Variants in HDAC9 observed in about 807,000 individuals in gnomAD.
HDAC9 encodes histone deacetylase 9.
A neutral mutation model predicts 139.4 loss-of-function variants in HDAC9; 41 were observed. The ratio of observed to expected loss-of-function variants is 0.29; its 90% CI spans 0.23 to 0.38. The LOEUF (loss-of-function observed/expected upper bound fraction) is 0.38, where lower values mean the gene tolerates loss of function less well. HDAC9 is among the 10% of genes least tolerant of loss of function. The probability of loss-of-function intolerance (pLI) is 1.00; values close to 1 mark genes in which losing one functional copy is unlikely to be tolerated. For synonymous variants in HDAC9, 517 were observed against 476.2 expected (o/e 1.09, Z -1.12); for missense variants, 1,147 against 1,297.0 (o/e 0.88, Z 1.78).
At chr7:18,677,347 C>A (rs1584819516) in intron 12 of HDAC9, among the ~76,000 whole-genome samples, 1 of 151,642 alleles carries the variant, frequency 6.6e-6, no homozygotes, top group East Asian at 2.0e-4. Flanking sequence ...AATAGTTAGC[C>A]ACTGTACAGA....
At chr7:18,364,220 G>A (rs1014066870) in intron 1 of HDAC9, among the ~76,000 whole-genome samples, 1 of 152,088 alleles carries the variant, frequency 6.6e-6, no homozygotes, top group Non-Finnish European at 1.5e-5. Context: ...TAAACTGCCT[G>A]GGGCTGAATC....
In HDAC9 at chr7:18,568,032, A is replaced by G. The variant is rs200604776; in HGVS notation, c.23-17249A>G. On this transcript the variant is annotated intron_variant, in intron 2 of 25. Transcript: ENST00000686413. ...ATACAGGATATATGTATATGTATAT[A>G]TATATATATATATATATATATGTAA... Among the ~76,000 whole-genome samples the G allele has an allele frequency of 3.2e-4, 36 of 113,812 alleles. 1 individual carries two copies. Among genetic ancestry groups the G allele is most frequent in the Middle Eastern group, 7.4e-3 (2 of 272 alleles). The allele number at this position is 113,812 out of a possible 152,430, so 74.7% of individuals were successfully genotyped here. A position where few individuals can be genotyped will look rare whatever the true frequency, so the allele number is the denominator to read the frequency against.
chr7:18,482,460 A>G (rs1281310180), intron 1 of HDAC9, among the ~76,000 whole-genome samples: 3 of 131,308 alleles, frequency 2.3e-5, no homozygotes, highest in Non-Finnish European at 4.8e-5. Context: ...TTTAAAAACT[A>G]TTTTCCCCTT....
At chr7:18,430,814 G>A (rs1052374134) in intron 1 of HDAC9, 3 of 152,298 alleles carry the variant, frequency 2.0e-5, no homozygotes, top group African/African-American at 7.2e-5. Context: ...TTAAACCCGG[G>A]AGGTGGAGGT....
At chr7:18,088,905 A>G (rs986563243) in intron 1 of HDAC9, among the ~76,000 whole-genome samples, 3 of 152,206 alleles carry the variant, frequency 2.0e-5, no homozygotes, top group African/African-American at 7.2e-5. Context: ...ATTTATTCTC[A>G]TCCATTTTGT....
intron 1 of HDAC9, among the ~76,000 whole-genome samples, chr7:18,439,410 C>G (rs1033642231): frequency 3.3e-5 from 5 of 152,146 alleles, no homozygotes; most frequent in African/African-American, 7.2e-5. Context: ...AAATGAAACC[C>G]TGTCTGGCTA....
At chr7:18,661,533 T>C (rs770251975) in intron 11 of HDAC9, among the ~76,000 whole-genome samples, 1 of 152,098 alleles carries the variant, frequency 6.6e-6, no homozygotes, top group Non-Finnish European at 1.5e-5. Context: ...TTCTACTCTT[T>C]TTTTTTAAAT....
intron 25 of HDAC9, among the ~76,000 whole-genome samples, chr7:18,988,298 T>C (rs1477376017): frequency 6.6e-6 from 1 of 152,158 alleles, no homozygotes; most frequent in Non-Finnish European, 1.5e-5. Flanking sequence ...ACATCTTTAT[T>C]TCTGCCTTCA....
chr7:18,570,493 A>C (rs1228730168), intron 2 of HDAC9, among the ~76,000 whole-genome samples: 2 of 152,244 alleles, frequency 1.3e-5, no homozygotes, highest in African/African-American at 2.4e-5. Flanking sequence ...TTTCAGTCTC[A>C]TCTGTATCAA....
At chr7:18,732,854 T>TGTGTGCGTATGTGTACACACAC (rs1786348164) in intron 13 of HDAC9, among the ~76,000 whole-genome samples, 3 of 69,344 alleles carry the variant, frequency 4.3e-5, no homozygotes, top group Admixed American at 1.2e-4. Flanking sequence ...CACGTGTGTA[T>TGTGTGCGTATGTGTACACACAC]GTGTGCGTAT....
intron 2 of HDAC9, among the ~76,000 whole-genome samples, chr7:18,229,960 G>A (rs1437898424): frequency 1.3e-5 from 2 of 152,150 alleles, no homozygotes; most frequent in African/African-American, 4.8e-5. Flanking sequence ...CTAATGAACA[G>A]TGTCTTGAAC....
intron 1 of HDAC9, among the ~76,000 whole-genome samples, chr7:18,305,287 A>T (rs1792054303): frequency 6.6e-6 from 1 of 152,214 alleles, no homozygotes; most frequent in African/African-American, 2.4e-5. Flanking sequence ...CAACCAGTGC[A>T]TGTAGATATC....
At chr7:18,272,445 T>G (rs1796413544) in intron 2 of HDAC9, among the ~76,000 whole-genome samples, 1 of 152,148 alleles carries the variant, frequency 6.6e-6, no homozygotes, top group South Asian at 2.1e-4. Context: ...TCCAGACCCT[T>G]TATTTATAAT....
At chr7:18,892,776 T>C (rs1356855627) in intron 22 of HDAC9, 1 of 152,082 alleles carries the variant, frequency 6.6e-6, no homozygotes, top group Admixed American at 6.6e-5. Flanking sequence ...TTCTGAAGGC[T>C]CAGGAAGGTA....
At chr7:18,926,769 T>C (rs1175077108) in intron 22 of HDAC9, among the ~76,000 whole-genome samples, 1 of 152,204 alleles carries the variant, frequency 6.6e-6, no homozygotes, top group Non-Finnish European at 1.5e-5. Context: ...TATTCTGTTG[T>C]TTCAGACTTT....
chr7:18,345,404 T>G (rs561966992), intron 1 of HDAC9, among the ~76,000 whole-genome samples: 11 of 152,118 alleles, frequency 7.2e-5, no homozygotes, highest in African/African-American at 2.6e-4. Context: ...CTTTCATATA[T>G]TAGAACAAAT....
intron 1 of HDAC9, among the ~76,000 whole-genome samples, chr7:18,315,740 A>C (rs967891325): frequency 4.6e-5 from 7 of 152,174 alleles, no homozygotes; most frequent in Admixed American, 3.3e-4. Flanking sequence ...ATGCATATTT[A>C]TGGAAGTGTG....
chr7:18,477,399 G>C (rs572207766), intron 1 of HDAC9, among the ~76,000 whole-genome samples: 1 of 151,982 alleles, frequency 6.6e-6, no homozygotes, highest in South Asian at 2.1e-4. Flanking sequence ...GTGTGCGTGC[G>C]TGCGTGCATG....
chr7:18,368,957 C>T (rs965337608), intron 1 of HDAC9, among the ~76,000 whole-genome samples: 1 of 152,048 alleles, frequency 6.6e-6, no homozygotes, highest in Non-Finnish European at 1.5e-5. Context: ...TGTATTCCAT[C>T]TGCTATTAGT....
Sources: allele counts gnomAD v4.1 joint callset (sites outside exome capture counted in the v4.1 genomes callset), GRCh38; gene constraint gnomAD v4.1.1; transcripts MANE v1.5; gene names NCBI Gene and HGNC (gene_info 2026-07-23, HGNC 2026-07-21).